NAALADL2: variants seen among roughly 807,000 people sequenced by gnomAD.
The protein encoded by NAALADL2 is N-acetylated alpha-linked acidic dipeptidase like 2, also known as inactive N-acetylated-alpha-linked acidic dipeptidase-like protein 2.
In NAALADL2, 76 loss-of-function variants were observed where a neutral mutation model predicts 87.2. The ratio of observed to expected loss-of-function variants is 0.87; its 90% CI spans 0.72 to 1.05. The LOEUF (loss-of-function observed/expected upper bound fraction) is 1.05, where lower values mean the gene tolerates loss of function less well. NAALADL2 is among the 50% of genes least tolerant of loss of function. NAALADL2 has a pLI of 0.00. For missense variants in NAALADL2, 1,089 were observed against 945.8 expected (o/e 1.15, Z -1.99); for synonymous variants, 354 against 331.0 (o/e 1.07, Z -0.75).
At chr3:175,736,688 C>T (rs891630477) in intron 11 of NAALADL2, among the ~76,000 whole-genome samples, 11 of 152,188 alleles carry the variant, frequency 7.2e-5, no homozygotes, top group African/African-American at 1.9e-4. Context: ...CCAAACTTCA[C>T]GATTCAAAGA....
chr3:175,183,662 G>A (rs947607297), intron 2 of NAALADL2, among the ~76,000 whole-genome samples: 10 of 151,888 alleles, frequency 6.6e-5, no homozygotes, highest in Admixed American at 2.0e-4. Flanking sequence ...AACCACCCTC[G>A]GATCCCGGTG....
At chr3:175,368,839 T>A (rs1469543419) in intron 5 of NAALADL2, among the ~76,000 whole-genome samples, 1 of 152,076 alleles carries the variant, frequency 6.6e-6, no homozygotes, top group Non-Finnish European at 1.5e-5. Flanking sequence ...TACAATGCAG[T>A]GGTATTTGTA....
intron 5 of NAALADL2, among the ~76,000 whole-genome samples, chr3:175,434,475 A>G (rs1156862818): frequency 2.0e-5 from 3 of 151,982 alleles, no homozygotes; most frequent in Non-Finnish European, 4.4e-5. Context: ...AGCAACATCT[A>G]TATCAGGGAA....
chr3:175,037,593 T>A (rs1310803823), intron 1 of NAALADL2, among the ~76,000 whole-genome samples: 2 of 152,096 alleles, frequency 1.3e-5, no homozygotes, highest in Non-Finnish European at 2.9e-5. Context: ...GCAGAGTGAT[T>A]TCCCTATCTG....
intron 3 of NAALADL2, among the ~76,000 whole-genome samples, chr3:174,755,702 C>T (rs1424163196): frequency 6.6e-6 from 1 of 152,158 alleles, no homozygotes; most frequent in African/African-American, 2.4e-5. Flanking sequence ...ACACTTATTG[C>T]ATAAAATCGT....
intron 2 of NAALADL2, among the ~76,000 whole-genome samples, chr3:174,684,464 A>G (rs570997798): frequency 6.6e-6 from 1 of 152,260 alleles, no homozygotes; most frequent in East Asian, 1.9e-4. Flanking sequence ...CATTTTTTCA[A>G]GCTAGTTTGA....
chr3:175,396,623 CT>C (rs1385960367), intron 5 of NAALADL2, among the ~76,000 whole-genome samples: 33 of 152,172 alleles, frequency 2.2e-4, no homozygotes, highest in Admixed American at 1.9e-3. Context: ...GTTATACTTA[CT>C]GACATGGTTT....
intron 3 of NAALADL2, among the ~76,000 whole-genome samples, chr3:174,795,160 AT>A (rs201870700): frequency 0.13 from 18,705 of 149,096 alleles, 1,336 homozygotes; most frequent in Non-Finnish European, 0.16. Context: ...CCTGGCTAGT[AT>A]TTTTTTTGTA....
intron 2 of NAALADL2, among the ~76,000 whole-genome samples, chr3:174,633,860 T>C (rs187339409): frequency 1.3e-4 from 20 of 152,310 alleles, no homozygotes; most frequent in Non-Finnish European, 2.2e-4. Context: ...GGGGAGTTAG[T>C]AGGGTGCATT....
chr3:175,652,973 G>T (rs66996540), intron 11 of NAALADL2, among the ~76,000 whole-genome samples: 58,990 of 151,892 alleles, frequency 0.39, 11,931 homozygotes, highest in South Asian at 0.52. Flanking sequence ...ACAGGGGATT[G>T]ACACATATTT....
At chr3:174,826,484 T>C (rs1468343625) in intron 3 of NAALADL2, among the ~76,000 whole-genome samples, 1 of 152,210 alleles carries the variant, frequency 6.6e-6, no homozygotes, top group African/African-American at 2.4e-5. Flanking sequence ...TCATTAAATG[T>C]TGGCAAGCTA....
intron 1 of NAALADL2, among the ~76,000 whole-genome samples, chr3:174,445,925 G>T (rs1044117865): frequency 2.6e-5 from 4 of 152,044 alleles, no homozygotes; most frequent in African/African-American, 9.7e-5. Flanking sequence ...TTGATTCATT[G>T]CTTAATTTGT....
intron 2 of NAALADL2, among the ~76,000 whole-genome samples, chr3:175,167,369 G>T (rs1734153434): frequency 6.6e-6 from 1 of 152,028 alleles, no homozygotes; most frequent in Admixed American, 6.6e-5. Flanking sequence ...AATGACTTCT[G>T]ACTACATATA....
intron 1 of NAALADL2, among the ~76,000 whole-genome samples, chr3:175,034,913 T>C (rs1753229075): frequency 6.6e-6 from 1 of 152,202 alleles, no homozygotes; most frequent in Non-Finnish European, 1.5e-5. Flanking sequence ...ATTTCTTTAA[T>C]GTGTGTCTTC....
chr3:175,137,772 TTTGTTTTG>T (rs1729351094), intron 2 of NAALADL2, among the ~76,000 whole-genome samples: 1 of 150,324 alleles, frequency 6.7e-6, no homozygotes, highest in African/African-American at 2.4e-5. Flanking sequence ...CTAAGTTTGT[TTTGTTTTG>T]TTTTGTTTTG....
chr3:174,892,385 TAAA>T (rs974859827), intron 1 of NAALADL2, among the ~76,000 whole-genome samples: 3 of 151,822 alleles, frequency 2.0e-5, no homozygotes, highest in South Asian at 2.1e-4. Context: ...TTGAAATAAT[TAAA>T]AAGAATGAAG....
chr3:175,080,151 G>C (rs1208276137), intron 1 of NAALADL2, among the ~76,000 whole-genome samples: 1 of 152,062 alleles, frequency 6.6e-6, no homozygotes, highest in Non-Finnish European at 1.5e-5. Context: ...ATTTTTAGTA[G>C]AGGCGGGTTT....
intron 10 of NAALADL2, among the ~76,000 whole-genome samples, chr3:175,589,984 A>G (rs1274954365): frequency 6.6e-6 from 1 of 152,022 alleles, no homozygotes; most frequent in Admixed American, 6.6e-5. Context: ...AGGCCGAGGC[A>G]GGCGGGTCAC....
chr3:174,627,556 A>C (rs1721698184), intron 2 of NAALADL2, among the ~76,000 whole-genome samples: 1 of 152,194 alleles, frequency 6.6e-6, no homozygotes, highest in Admixed American at 6.5e-5. Context: ...ATAGAACTAA[A>C]CTTTGATCCA....
Sources: allele counts gnomAD v4.1 joint callset (sites outside exome capture counted in the v4.1 genomes callset), GRCh38; gene constraint gnomAD v4.1.1; transcripts MANE v1.5; gene names NCBI Gene and HGNC (gene_info 2026-07-23, HGNC 2026-07-21).